The following ATP11A variants were observed in gnomAD, a reference collection of about 807,000 sequenced individuals.
ATP11A encodes the protein phospholipid-transporting ATPase IH.
Under a neutral mutation model 154.4 loss-of-function variants are expected in ATP11A, and 81 were observed. That is an observed-to-expected ratio of 0.52 (90% CI 0.44 to 0.63). The LOEUF (loss-of-function observed/expected upper bound fraction) is 0.63, where lower values mean the gene tolerates loss of function less well. Ranked by LOEUF, ATP11A falls within the 30% of genes least tolerant of loss-of-function variation. The pLI, the probability that ATP11A is intolerant of heterozygous loss-of-function variation, is 0.00. For missense variants in ATP11A, 1,316 were observed against 1,474.3 expected (o/e 0.89, Z 1.76); for synonymous variants, 623 against 585.9 (o/e 1.06, Z -0.91).
In ATP11A at chr13:112,849,215, A is replaced by T. The variant is rs138192191; in HGVS notation, c.1810-1822A>T. ...ACTTGGTCGTGGTGTATGATCCTCT[A>T]TGTGCCATTGGATTCAGTTTGCTAG... On this transcript the variant is annotated intron_variant, in intron 17 of 29. Transcript: ENST00000375645. Among the ~76,000 whole-genome samples the T allele has an allele frequency of 7.9e-3, 1,208 of 152,262 alleles. 13 individuals are homozygous for T. Among genetic ancestry groups the T allele is most frequent in the Middle Eastern group, 0.02 (6 of 294 alleles).
At chr13:112,692,252 C>G (rs1380913883) in intron 1 of ATP11A, among the ~76,000 whole-genome samples, 1 of 152,168 alleles carries the variant, frequency 6.6e-6, no homozygotes, top group African/African-American at 2.4e-5. Flanking sequence ...CCGCGGTGTT[C>G]CCAGTTCATT....
intron 5 of ATP11A, among the ~76,000 whole-genome samples, chr13:112,812,791 A>T (rs935847992): frequency 6.6e-6 from 1 of 152,188 alleles, no homozygotes; most frequent in Non-Finnish European, 1.5e-5. Context: ...CAGATGAGTG[A>T]TGTTTCCCTA....
At chr13:112,758,191 A>G (rs2076885558) in intron 1 of ATP11A, among the ~76,000 whole-genome samples, 1 of 151,918 alleles carries the variant, frequency 6.6e-6, no homozygotes, top group Non-Finnish European at 1.5e-5. Context: ...CCTCCCAACT[A>G]GCTGGGATTA....
At chr13:112,740,098 G>T (rs1380330387) in intron 1 of ATP11A, among the ~76,000 whole-genome samples, 1 of 151,108 alleles carries the variant, frequency 6.6e-6, no homozygotes, top group Non-Finnish European at 1.5e-5. Context: ...ATTGTACATT[G>T]TAAAGGGTGA....
intron 1 of ATP11A, among the ~76,000 whole-genome samples, chr13:112,775,952 C>A (rs2077338186): frequency 6.6e-6 from 1 of 152,244 alleles, no homozygotes; most frequent in Non-Finnish European, 1.5e-5. Flanking sequence ...CAGGCTGCTG[C>A]GCCTCCCGGG....
chr13:112,783,830 G>A (rs1465075242), intron 1 of ATP11A, among the ~76,000 whole-genome samples: 1 of 152,232 alleles, frequency 6.6e-6, no homozygotes, highest in African/African-American at 2.4e-5. Context: ...GCCCGCCTGA[G>A]TGTTGTTGAA....
At chr13:112,781,784 C>CAA (rs748401969) in intron 1 of ATP11A, among the ~76,000 whole-genome samples, 1,989 of 101,254 alleles carry the variant, frequency 0.02, 66 homozygotes, top group African/African-American at 0.061. Flanking sequence ...TTTCACTTTG[C>CAA]AAAAAAAAAA....
intron 1 of ATP11A, among the ~76,000 whole-genome samples, chr13:112,714,957 C>T (rs1888256222): frequency 6.6e-6 from 1 of 150,822 alleles, no homozygotes; most frequent in Admixed American, 6.6e-5. Flanking sequence ...TTCCCGTAGA[C>T]CCTGGCAGCC....
intron 2 of ATP11A, among the ~76,000 whole-genome samples, chr13:112,795,100 C>T (rs369074338): frequency 9.0e-4 from 137 of 151,734 alleles, no homozygotes; most frequent in African/African-American, 2.8e-3. Flanking sequence ...AAAAATTAGC[C>T]GGGCATCTTG....
At position 112,792,589 on chromosome 13, in the gene ATP11A, C is replaced by T. The variant is rs376614485; in HGVS notation, c.162+7332C>T. Among the ~76,000 whole-genome samples the T allele has an allele frequency of 2.6e-5, 4 of 152,276 alleles. No homozygotes were observed. In the East Asian group the frequency reaches 7.7e-4, roughly 29 times the overall value. The stretch of plus-strand genomic sequence containing the variant: ...GAAAATGCTGTCGGGTTATTTTTAA[C>T]TTCTCATCTGTTTGACGGAAGTGCA... On this transcript the variant is annotated intron_variant, in intron 2 of 29. Transcript: ENST00000375645.
intron 1 of ATP11A, among the ~76,000 whole-genome samples, chr13:112,694,979 G>A (rs12871862): frequency 2.0e-5 from 3 of 152,134 alleles, no homozygotes; most frequent in East Asian, 1.9e-4. Flanking sequence ...ATTTATTACC[G>A]AATGGTGTAT....
intron 1 of ATP11A, among the ~76,000 whole-genome samples, chr13:112,699,428 T>A (rs1422297508): frequency 6.6e-6 from 1 of 152,190 alleles, no homozygotes; most frequent in Non-Finnish European, 1.5e-5. Context: ...AATAAGTCAC[T>A]TTTTCCTGGG....
chr13:112,751,730 T>TC lies in ATP11A; in HGVS notation c.40-33395dup, dbSNP rs35952236. Among the ~76,000 whole-genome samples the TC allele has an allele frequency of 6.1e-3, 881 of 143,534 alleles. 10 individuals are homozygous for TC. The highest frequency in any genetic ancestry group is 0.015 in the African/African-American group (598 of 39,382). 94.2% of individuals were successfully genotyped at this position (143,534 alleles called of 152,430 possible). The stretch of plus-strand genomic sequence containing the variant: ...TGACTGATATGCATACTGCAGATAA[T>TC]CCCCCCCCCCTTTTTTTGAGACAGG... On this transcript the variant is annotated intron_variant, in intron 1 of 29. Coordinates refer to ENST00000375645, the MANE Select transcript of ATP11A (RefSeq NM_015205.3).
At position 112,882,464 on chromosome 13, in the gene ATP11A, A is replaced by C; in HGVS notation, c.*598A>C. 1 of 451,364 alleles carries C rather than the reference A, an allele frequency of 2.2e-6. No homozygotes were observed. Among genetic ancestry groups the C allele is most frequent in the Non-Finnish European group, 3.9e-6 (1 of 255,340 alleles). The allele number at this position is 451,364 out of a possible 1,614,324, so 28.0% of individuals were successfully genotyped here. A position where few individuals can be genotyped will look rare whatever the true frequency, so the allele number is the denominator to read the frequency against. ...GTGGAGCCATGGTGGTGCGTCCTTT[A>C]CTCAACAACCCTCCAATCCGGATGC... On this transcript the variant is annotated 3_prime_UTR_variant, in exon 30 of 30. Transcript: ENST00000375645. This position sits in a 1 kb window ranked among gnomAD's most constrained non-coding sequence, Gnocchi z 5.1.
intron 1 of ATP11A, chr13:112,745,840 C>T (rs535367337): frequency 6.6e-6 from 1 of 152,324 alleles, no homozygotes; most frequent in South Asian, 2.1e-4. Flanking sequence ...CAGTATTGAG[C>T]ACCTCCACAT....
chr13:112,711,165 C>T (rs946868516), intron 1 of ATP11A, among the ~76,000 whole-genome samples: 8 of 152,226 alleles, frequency 5.3e-5, no homozygotes, highest in African/African-American at 1.9e-4. Flanking sequence ...GCGGCTCTTC[C>T]GACTTTTCAT....
chr13:112,816,258 G>A lies in ATP11A; in HGVS notation c.570+47G>A, dbSNP rs201099344. 2,522 of 1,612,418 alleles carry A rather than the reference G, an allele frequency of 1.6e-3. 1 individual carries two copies. Among genetic ancestry groups the A allele is most frequent in the Non-Finnish European group, 2.0e-3 (2,356 of 1,179,092 alleles). ...CTCCAGGGCAGGATCTTCCTGTCCTGCTTCGGACTGTGCCCATGCGGCCAC... is the reference window on the plus strand; with the variant it reads ...CTCCAGGGCAGGATCTTCCTGTCCTACTTCGGACTGTGCCCATGCGGCCAC... On this transcript the variant is annotated intron_variant, in intron 6 of 29. Coordinates refer to ENST00000375645, the MANE Select transcript of ATP11A (RefSeq NM_015205.3).
chr13:112,869,975 A>AC (rs531332233), intron 25 of ATP11A, among the ~76,000 whole-genome samples: 3 of 149,896 alleles, frequency 2.0e-5, no homozygotes, highest in Admixed American at 6.6e-5. Context: ...CAGCCCCTCC[A>AC]CCCCCCCATC....
At chr13:112,705,329 A>G (rs1025875874) in intron 1 of ATP11A, among the ~76,000 whole-genome samples, 3 of 152,232 alleles carry the variant, frequency 2.0e-5, no homozygotes, top group Non-Finnish European at 4.4e-5. Flanking sequence ...TAGAGAGGGA[A>G]ACCCTGGGAT....
Sources: allele counts gnomAD v4.1 joint callset (sites outside exome capture counted in the v4.1 genomes callset), GRCh38; gene constraint gnomAD v4.1.1; non-coding constraint Gnocchi (gnomAD v3.1); transcripts MANE v1.5; gene names NCBI Gene and HGNC (gene_info 2026-07-23, HGNC 2026-07-21).